The following SNED1 variants were observed in gnomAD, a reference collection of about 807,000 sequenced individuals.
SNED1 encodes the protein sushi, nidogen and EGF-like domain-containing protein 1.
A neutral mutation model predicts 166.7 loss-of-function variants in SNED1; 81 were observed. The ratio of observed to expected loss-of-function variants is 0.49; its 90% confidence interval spans 0.41 to 0.58. The LOEUF (loss-of-function observed/expected upper bound fraction) is 0.58. Among genes scored for constraint, SNED1 ranks in the 20% least tolerant of loss-of-function variants. SNED1 has a pLI of 0.00. For missense variants in SNED1, 1,604 were observed against 2,000.2 expected (o/e 0.80, Z 3.78); for synonymous variants, 762 against 822.0 (o/e 0.93, Z 1.25).
At position 241,062,844 on chromosome 2, in the gene SNED1, C is replaced by T. The variant is rs756983755; in HGVS notation, c.2311C>T (p.Arg771Cys). The T allele has an allele frequency of 8.1e-6, 13 of 1,611,836 alleles. No individual in the cohort carries two copies. In the East Asian group the frequency reaches 1.8e-4, roughly 22 times the overall value. Residue 771 changes from arginine to cysteine, a missense_variant, in exon 17 of 32, where the codon CGC becomes TGC. By Grantham distance (180) the Arg-to-Cys change is radical (BLOSUM62 -3). Around this residue, in one of 2 missense-constraint regions of SNED1, gnomAD observed 1,237 missense variants for 1,620.8 expected, o/e 0.76. Transcript: ENST00000310397. The part of the protein sequence containing the change: ...PCLHGGSCQD[R>C]VAGYLCLCST... Reference sequence around the variant, plus strand: ...CCTGCATGGGGGCTCTTGTCAGGACCGCGTTGCTGGGTACCTGTGCCTCTG... The same window carrying T: ...CCTGCATGGGGGCTCTTGTCAGGACTGCGTTGCTGGGTACCTGTGCCTCTG...
intron 1 of SNED1, among the ~76,000 whole-genome samples, chr2:241,005,791 G>T (rs1258814474): frequency 6.6e-6 from 1 of 151,930 alleles, no homozygotes. Context: ...CTCCGCATAT[G>T]CATCTTTTTT....
Position 241,053,198 on chromosome 2 carries a change from G to T in SNED1, c.2129G>T (p.Arg710Leu), listed in dbSNP as rs369011632. ...PPEEVKHATL[R>L]FNGTRLGAVA... ...GAGGAGGTGAAGCACGCCACACTGC[G>T]CTTCAACGGCACGCGGCTGGGCGCG... Residue 710 changes from arginine to leucine, a missense_variant, in exon 16 of 32, where the codon CGC becomes CTC. Arg to Leu is a moderately radical substitution (Grantham distance 102). Around this residue, in one of 2 missense-constraint regions of SNED1, gnomAD observed 1,237 missense variants for 1,620.8 expected, o/e 0.76. Transcript: ENST00000310397. 1.1e-5 allele frequency: 18 copies of T among 1,610,790 alleles called. No individual in the cohort carries two copies. Among genetic ancestry groups the T allele is most frequent in the Non-Finnish European group, 1.5e-5 (18 of 1,179,474 alleles).
In SNED1 at chr2:241,030,584, A is replaced by G. The variant is rs769694414; in HGVS notation, c.501+13A>G. ...TTCCTCATCCCCTGTGAGTCCAGGC[A>G]CTTGTCCTGGGGAGGGTGGGTGTGT... On this transcript the variant is annotated intron_variant, in intron 2 of 31. Coordinates refer to ENST00000310397, the MANE Select transcript of SNED1 (RefSeq NM_001080437.3). The G allele has an allele frequency of 8.1e-6, 13 of 1,611,652 alleles. No individual in the cohort carries two copies. Among genetic ancestry groups the G allele is most frequent in the East Asian group, 4.5e-5 (2 of 44,846 alleles).
At chr2:241,006,996 T>A (rs1444602975) in intron 1 of SNED1, among the ~76,000 whole-genome samples, 4 of 152,158 alleles carry the variant, frequency 2.6e-5, no homozygotes, top group African/African-American at 9.7e-5. Flanking sequence ...TTAAAACAAA[T>A]AATGATAGGT....
chr2:241,020,951 G>A (rs904110096), intron 1 of SNED1, among the ~76,000 whole-genome samples: 5 of 152,162 alleles, frequency 3.3e-5, no homozygotes, highest in Admixed American at 6.5e-5. Context: ...GAAACACCAC[G>A]TCAACAGCAA....
In SNED1 at chr2:241,039,614, C is replaced by G. The variant is rs2061465789; in HGVS notation, c.1046-461C>G. Among the ~76,000 whole-genome samples the G allele has an allele frequency of 2.0e-5, 3 of 152,072 alleles. No individual in the cohort carries two copies. In the South Asian group the frequency reaches 6.2e-4, roughly 32 times the overall value. On this transcript the variant is annotated intron_variant, in intron 6 of 31. Transcript: ENST00000310397. The stretch of plus-strand genomic sequence containing the variant: ...CCAGAGTCCCTTTGCCCTGGCCGTT[C>G]CTGCACAGGCCACTGCCTGCCCCAC...
rs1469417757 is a variant in SNED1, at chr2:241,071,820, AG to A, written c.3761del (p.Gly1254GlufsTer3). 6.2e-7 allele frequency: 1 copy of A among 1,603,050 alleles called. No homozygotes were observed. Among genetic ancestry groups the A allele is most frequent in the African/African-American group, 1.3e-5 (1 of 74,694 alleles). ...PRFSELVDGR[G>X]RVSARFGGSP... ...GGTTCTCGGAGCTTGTGGACGGCAGAGGAAGAGTGAGCGCCAGGTTCGGTGG... is the reference window on the plus strand; with the variant it reads ...GGTTCTCGGAGCTTGTGGACGGCAGAGAAGAGTGAGCGCCAGGTTCGGTGG... On this transcript the variant is annotated frameshift_variant, in exon 26 of 32. Transcript: ENST00000310397. LOFTEE classifies it high-confidence loss of function.
chr2:241,004,858 A>C (rs1198443737), intron 1 of SNED1, among the ~76,000 whole-genome samples: 1 of 151,878 alleles, frequency 6.6e-6, no homozygotes, highest in Non-Finnish European at 1.5e-5. Context: ...AATAGCTGGG[A>C]TTATAGGCGC....
chr2:241,062,802 T>C lies in SNED1; in HGVS notation c.2269T>C (p.Cys757Arg). ...EPPQCLEIDECRSQPCLHGGS... is the reference protein window; with the variant it reads ...EPPQCLEIDERRSQPCLHGGS... ...CTCTCTCCTCTCAGAAATCGATGAG[T>C]GCCGGTCTCAGCCGTGCCTGCATGG... The change falls in exon 17 of 32, where the codon TGC becomes CGC. Residue 757 changes from cysteine (C) to arginine (R), a missense_variant. Physicochemically the swap from Cys to Arg is radical, Grantham distance 180 (BLOSUM62 -3). This residue lies in a region of SNED1 where 1,237 missense variants were observed against 1,620.8 expected (regional missense o/e 0.76). Coordinates refer to ENST00000310397, the MANE Select transcript of SNED1 (RefSeq NM_001080437.3). 1 of 1,609,512 alleles carries C rather than the reference T, an allele frequency of 6.2e-7. No individual in the cohort carries two copies. Among genetic ancestry groups the C allele is most frequent in the East Asian group, 2.2e-5 (1 of 44,782 alleles).
chr2:241,082,485 G>T, intron 29 of SNED1, 121 bp downstream of exon 29: 1 of 676,626 alleles, frequency 1.5e-6, no homozygotes, highest in South Asian at 2.2e-5. Flanking sequence ...TCACAGAAGG[G>T]ACTTGCTTTG....
intron 24 of SNED1, 99 bp downstream of exon 24, chr2:241,070,300 G>GCCC: frequency 7.8e-7 from 1 of 1,279,704 alleles, no homozygotes; most frequent in Non-Finnish European, 1.1e-6. Flanking sequence ...GGGATGCCAG[G>GCCC]CAGACAGCCT....
chr2:241,034,070 G>T (rs1464116158), intron 3 of SNED1, among the ~76,000 whole-genome samples, 195 bp downstream of exon 3: 1 of 152,162 alleles, frequency 6.6e-6, no homozygotes. Flanking sequence ...AGGCCCAAAG[G>T]CACCTTTGTC....
intron 15 of SNED1, among the ~76,000 whole-genome samples, chr2:241,052,686 T>C (rs1292666186): frequency 0.14 from 136 of 944 alleles, 15 homozygotes; most frequent in East Asian, 0.47. Flanking sequence ...GGTGAGAGGG[T>C]CGGCGGGGGG....
rs369278364 is a variant in SNED1 at position 241,023,674 on chromosome 2, G to C, written c.214-6610G>C. On this transcript the variant is annotated intron_variant, in intron 1 of 31. Coordinates refer to ENST00000310397, the MANE Select transcript of SNED1 (RefSeq NM_001080437.3). ...TCAATTTTTCATTTATGTATGCTGAGGCCTTGCTATAGGGTATACACAAAT... is the reference window on the plus strand; with the variant it reads ...TCAATTTTTCATTTATGTATGCTGACGCCTTGCTATAGGGTATACACAAAT... Among the ~76,000 whole-genome samples the C allele has an allele frequency of 3.8e-4, 58 of 152,094 alleles. 1 individual carries two copies. The East Asian group carries it at 9.7e-3, about 25-fold the overall frequency.
At position 241,018,923 on chromosome 2, in the gene SNED1, G is replaced by A. The variant is rs1043261356; in HGVS notation, c.214-11361G>A. 2.0e-5 allele frequency among the ~76,000 whole-genome samples: 3 copies of A among 152,132 alleles called. No individual in the cohort carries two copies. Among genetic ancestry groups the A allele is most frequent in the African/African-American group, 7.2e-5 (3 of 41,430 alleles). ...AAAGAGCCTTATCAGGCCCAGAAAC[G>A]GTCAGGGCCAAACCTCAAGGCTTCC... On this transcript the variant is annotated intron_variant, in intron 1 of 31. Transcript: ENST00000310397. This position sits in a 1 kb window ranked among gnomAD's most constrained non-coding sequence, Gnocchi z 5.4.
At chr2:241,066,122 C>T (rs1448323503) in intron 21 of SNED1, among the ~76,000 whole-genome samples, 4 of 152,156 alleles carry the variant, frequency 2.6e-5, no homozygotes, top group Non-Finnish European at 5.9e-5. Flanking sequence ...CCAGAGCCTC[C>T]ACCTGGAGCT....
intron 28 of SNED1, 146 bp from the exon 29 acceptor site, chr2:241,082,131 A>G (rs2063357150): frequency 1.4e-5 from 9 of 639,642 alleles, no homozygotes; most frequent in Non-Finnish European, 1.9e-5. Context: ...AGCCAGCTGC[A>G]GACCCCCGGG....
At chr2:241,040,556 T>G in intron 8 of SNED1, 143 bp downstream of exon 8, 1 of 615,692 alleles carries the variant, frequency 1.6e-6, no homozygotes, top group Non-Finnish European at 2.8e-6. Context: ...CTCTGCCCCC[T>G]TCCCACTCCC....
At chr2:241,004,539 G>A (rs562973764) in intron 1 of SNED1, among the ~76,000 whole-genome samples, 2 of 150,228 alleles carry the variant, frequency 1.3e-5, no homozygotes, top group East Asian at 1.9e-4. Flanking sequence ...TTATTTTTTT[G>A]TGATTATTCT....
Sources: gnomAD v4.1 joint callset for allele counts (sites outside exome capture counted in the v4.1 genomes callset) on GRCh38, gnomAD v4.1.1 for gene constraint, gnomAD v4.1.1 regional missense constraint, Gnocchi (gnomAD v3.1) non-coding constraint, MANE v1.5 for transcripts, NCBI Gene and HGNC (gene_info 2026-07-23, HGNC 2026-07-21) for gene names.